Variants in MAN1A2 observed in about 807,000 individuals in gnomAD.
The protein encoded by MAN1A2 is mannosidase alpha class 1A member 2, also known as mannosyl-oligosaccharide 1,2-alpha-mannosidase IB.
In MAN1A2, 26 loss-of-function variants were observed where a neutral mutation model predicts 75.7. The ratio of observed to expected loss-of-function variants is 0.34; its 90% CI spans 0.25 to 0.48. MAN1A2 has a LOEUF of 0.48. MAN1A2 is among the 20% of genes least tolerant of loss of function. MAN1A2 has a pLI of 0.99. For missense variants in MAN1A2, 562 were observed against 775.5 expected, an observed-to-expected ratio of 0.72 and a Z score of 3.27; for synonymous variants, 247 against 264.6, an observed-to-expected ratio of 0.93 and a Z score of 0.65.
rs1169432889 is a variant in MAN1A2, at chr1:117,367,520, C to G, written c.-664C>G. 6.5e-6 allele frequency: 1 copy of G among 152,678 alleles called. No homozygotes were observed. Among genetic ancestry groups the G allele is most frequent in the Non-Finnish European group, 1.5e-5 (1 of 68,372 alleles). The allele number at this position is 152,678 out of a possible 1,614,324, so 9.5% of individuals were successfully genotyped here. A position where few individuals can be genotyped will look rare whatever the true frequency, so the allele number is the denominator to read the frequency against. ...GACTCAGGTGTTTCGGACGCTATTG[C>G]CCTTCGCGCCAGCCGTCGAGTGGGC... On this transcript the variant is annotated 5_prime_UTR_variant, in exon 1 of 13. Transcript: ENST00000356554.
At chr1:117,493,023 G>T in intron 8 of MAN1A2, 124 bp from the exon 9 acceptor site, 1 of 601,932 alleles carries the variant, frequency 1.7e-6, no homozygotes, top group East Asian at 2.8e-5. Context: ...TTGGAAATAG[G>T]GTTGTCAATG....
At chr1:117,452,613 T>C (rs1450392066) in intron 6 of MAN1A2, among the ~76,000 whole-genome samples, 1 of 152,232 alleles carries the variant, frequency 6.6e-6, no homozygotes, top group Non-Finnish European at 1.5e-5. Flanking sequence ...CCTAACTCTC[T>C]TCACGTCTGT....
At chr1:117,432,498 A>C (rs1648702887) in intron 5 of MAN1A2, among the ~76,000 whole-genome samples, 1 of 152,236 alleles carries the variant, frequency 6.6e-6, no homozygotes, top group African/African-American at 2.4e-5. Flanking sequence ...GAATATTATA[A>C]GCAGTTTTTT....
At chr1:117,458,315 C>T (rs1268929744) in intron 6 of MAN1A2, among the ~76,000 whole-genome samples, 1 of 151,372 alleles carries the variant, frequency 6.6e-6, no homozygotes, top group African/African-American at 2.4e-5. Context: ...ATAAAATATC[C>T]TAGTGGTATT....
chr1:117,392,386 C>G (rs1260992119), intron 1 of MAN1A2, among the ~76,000 whole-genome samples: 4 of 152,046 alleles, frequency 2.6e-5, no homozygotes, highest in African/African-American at 9.7e-5. Flanking sequence ...TTCTCTGTTT[C>G]CCTATGTAAA....
chr1:117,492,369 C>T (rs1485381230), intron 8 of MAN1A2, among the ~76,000 whole-genome samples: 1 of 152,040 alleles, frequency 6.6e-6, no homozygotes, highest in Non-Finnish European at 1.5e-5. Flanking sequence ...TTGCTGAAAG[C>T]CTCAGATCAT....
intron 8 of MAN1A2, among the ~76,000 whole-genome samples, chr1:117,486,135 CTT>C (rs1318337526): frequency 6.7e-6 from 1 of 149,954 alleles, no homozygotes; most frequent in Non-Finnish European, 1.5e-5. Context: ...ATGGTTGAAT[CTT>C]GAGCTATAGA....
chr1:117,387,231 A>AAAAAC (rs1163434805), intron 1 of MAN1A2, among the ~76,000 whole-genome samples: 1 of 152,010 alleles, frequency 6.6e-6, no homozygotes, highest in Non-Finnish European at 1.5e-5. Context: ...AAAAAAAAAA[A>AAAAAC]AAAACAAAGT....
At chr1:117,455,284 C>G (rs1649543996) in intron 6 of MAN1A2, among the ~76,000 whole-genome samples, 1 of 152,088 alleles carries the variant, frequency 6.6e-6, no homozygotes. Context: ...GTATGAAATT[C>G]TAGAACATGC....
chr1:117,382,441 C>G (rs1653376084), intron 1 of MAN1A2, among the ~76,000 whole-genome samples: 1 of 152,184 alleles, frequency 6.6e-6, no homozygotes, highest in Non-Finnish European at 1.5e-5. Context: ...AATAGGGAAT[C>G]CTTTCCCCAT....
rs1401242574 is a variant in MAN1A2 at position 117,445,852 on chromosome 1, GTGTGTGTA to G, written c.950+3535_950+3542del. Among the ~76,000 whole-genome samples the G allele has an allele frequency of 2.9e-3, 259 of 88,772 alleles. 5 individuals carry two copies. Among genetic ancestry groups the G allele is most frequent in the East Asian group, 0.016 (54 of 3,356 alleles). The allele number at this position is 88,772 out of a possible 152,430, so 58.2% of individuals were successfully genotyped here. Reference sequence around the variant, plus strand: ...CAAATTTTCATATTTGTGTGTGTGTGTGTGTGTATGTGTGTGTGTGTCTGTGTGTGTGT... The same window carrying G: ...CAAATTTTCATATTTGTGTGTGTGTGTGTGTGTGTGTGTCTGTGTGTGTGT... On this transcript the variant is annotated intron_variant, in intron 6 of 12. Coordinates refer to ENST00000356554, the MANE Select transcript of MAN1A2 (RefSeq NM_006699.5).
intron 5 of MAN1A2, among the ~76,000 whole-genome samples, chr1:117,425,908 GTCTTT>G (rs749815724): frequency 1.3e-5 from 2 of 151,996 alleles, no homozygotes; most frequent in East Asian, 1.9e-4. Flanking sequence ...ATTTTTGTTG[GTCTTT>G]TCTTTTTGCA....
At chr1:117,426,178 C>A (rs1227434769) in intron 5 of MAN1A2, among the ~76,000 whole-genome samples, 1 of 151,576 alleles carries the variant, frequency 6.6e-6, no homozygotes, top group East Asian at 1.9e-4. Context: ...GATGAGAAAT[C>A]TCCTTTAATT....
intron 8 of MAN1A2, among the ~76,000 whole-genome samples, chr1:117,474,386 G>GTT (rs3835642): frequency 0.012 from 1,736 of 147,090 alleles, 28 homozygotes; most frequent in African/African-American, 0.035. Context: ...TATTCCATGA[G>GTT]TTTTTTTTTT....
rs12070661 is a variant in MAN1A2, at chr1:117,402,974, T to G, written c.558+533T>G. On this transcript the variant is annotated intron_variant, in intron 2 of 12. Coordinates refer to ENST00000356554, the MANE Select transcript of MAN1A2 (RefSeq NM_006699.5). Reference sequence around the variant, plus strand: ...AATTGATTTCAAAATTCTTTAAATTTATTTAGCCTCAGAAGTCTTTCAATT... The same window carrying G: ...AATTGATTTCAAAATTCTTTAAATTGATTTAGCCTCAGAAGTCTTTCAATT... Among the ~76,000 whole-genome samples the G allele has an allele frequency of 3.8e-3, 582 of 152,302 alleles. 6 individuals carry two copies. Among genetic ancestry groups the G allele is most frequent in the African/African-American group, 0.013 (553 of 41,580 alleles).
intron 3 of MAN1A2, 61 bp from the exon 4 acceptor site, chr1:117,414,652 C>G: frequency 2.5e-6 from 2 of 794,760 alleles, no homozygotes; most frequent in South Asian, 1.6e-5. Context: ...TTTTTCCCCC[C>G]AAAGAGAACA....
At chr1:117,465,355 T>C (rs1179787808) in intron 7 of MAN1A2, among the ~76,000 whole-genome samples, 1 of 152,146 alleles carries the variant, frequency 6.6e-6, no homozygotes, top group Non-Finnish European at 1.5e-5. Flanking sequence ...TAAAAAGTGG[T>C]CTATGGAATT....
chr1:117,404,580 A>G (rs1570716144), intron 2 of MAN1A2, among the ~76,000 whole-genome samples: 2 of 152,136 alleles, frequency 1.3e-5, no homozygotes, highest in African/African-American at 4.8e-5. Flanking sequence ...AGGATTATAT[A>G]TTACATAGAC....
intron 1 of MAN1A2, among the ~76,000 whole-genome samples, chr1:117,369,957 G>A (rs937116502): frequency 6.6e-6 from 1 of 152,148 alleles, no homozygotes; most frequent in African/African-American, 2.4e-5. Flanking sequence ...AATAGTATCT[G>A]TCATGTACTA....
Sources: allele counts gnomAD v4.1 joint callset (sites outside exome capture counted in the v4.1 genomes callset), GRCh38; gene constraint gnomAD v4.1.1; transcripts MANE v1.5; gene names NCBI Gene and HGNC (gene_info 2026-07-23, HGNC 2026-07-21).